WWOX: variants seen among roughly 807,000 people sequenced by gnomAD.
The protein encoded by WWOX is WW domain-containing oxidoreductase.
In WWOX, 69 loss-of-function variants were observed where a neutral mutation model predicts 46.2. That is an observed-to-expected ratio of 1.49 (90% CI 1.23 to 1.82). The LOEUF (loss-of-function observed/expected upper bound fraction) is 1.82. Among genes scored for constraint, WWOX ranks in the 40% most tolerant of loss-of-function variants. The probability of loss-of-function intolerance (pLI) is 0.00; values close to 1 mark genes in which losing one functional copy is unlikely to be tolerated. For missense variants in WWOX, 919 were observed against 542.6 expected (o/e 1.69, Z -6.89); for synonymous variants, 359 against 202.6 (o/e 1.77, Z -6.56).
chr16:78,398,630 T>A (rs1285899228), intron 6 of WWOX, among the ~76,000 whole-genome samples: 1 of 152,190 alleles, frequency 6.6e-6, no homozygotes, highest in African/African-American at 2.4e-5. Context: ...TTTACTTCAT[T>A]AAACTGAGCT....
intron 5 of WWOX, among the ~76,000 whole-genome samples, chr16:78,311,035 C>T (rs527274146): frequency 6.6e-6 from 1 of 152,170 alleles, no homozygotes; most frequent in Non-Finnish European, 1.5e-5. Context: ...CACTGAAAGT[C>T]TGACTTAATT....
At chr16:78,757,544 A>C (rs2049685340) in intron 8 of WWOX, among the ~76,000 whole-genome samples, 1 of 152,124 alleles carries the variant, frequency 6.6e-6, no homozygotes, top group Admixed American at 6.5e-5. Flanking sequence ...TTCACCATTT[A>C]ACCCAGTTAA....
At chr16:79,156,253 C>G (rs952690555) in intron 8 of WWOX, among the ~76,000 whole-genome samples, 1 of 152,202 alleles carries the variant, frequency 6.6e-6, no homozygotes, top group Non-Finnish European at 1.5e-5. Flanking sequence ...CCTTTGCATC[C>G]TGGGCTCAAG....
intron 5 of WWOX, among the ~76,000 whole-genome samples, chr16:78,226,482 TTCCCTCCCTCCC>T (rs56126537): frequency 7.5e-6 from 1 of 134,128 alleles, no homozygotes; most frequent in Non-Finnish European, 1.5e-5. Context: ...CTGTCCTGTC[TTCCCTCCCTCCC>T]TCCCTCCCTC....
chr16:78,329,213 C>A (rs62034383), intron 5 of WWOX, among the ~76,000 whole-genome samples: 7,883 of 152,122 alleles, frequency 0.052, 253 homozygotes, highest in East Asian at 0.098. Flanking sequence ...AATTGCAACC[C>A]CATGGTATCG....
intron 5 of WWOX, among the ~76,000 whole-genome samples, chr16:78,323,753 C>T (rs1019605170): frequency 6.6e-6 from 1 of 152,188 alleles, no homozygotes; most frequent in African/African-American, 2.4e-5. Context: ...AATAAGATTG[C>T]ATGTTCCTGG....
intron 8 of WWOX, among the ~76,000 whole-genome samples, chr16:78,563,514 C>G (rs1388468496): frequency 1.9e-5 from 2 of 106,636 alleles, no homozygotes; most frequent in South Asian, 5.0e-4. Context: ...CACACACACA[C>G]ACGCTTTTTT....
chr16:78,465,313 C>T (rs1040591826), intron 8 of WWOX, among the ~76,000 whole-genome samples: 28 of 152,230 alleles, frequency 1.8e-4, no homozygotes, highest in African/African-American at 6.3e-4. Flanking sequence ...TTTACCATTT[C>T]TGAATGTGGC....
intron 8 of WWOX, among the ~76,000 whole-genome samples, chr16:78,606,969 G>C (rs894953263): frequency 6.6e-6 from 1 of 151,964 alleles, no homozygotes; most frequent in Non-Finnish European, 1.5e-5. Flanking sequence ...TTTTGTGCAG[G>C]ACTAATGGGC....
At chr16:78,145,711 T>C (rs3850109) in intron 4 of WWOX, among the ~76,000 whole-genome samples, 25,867 of 152,168 alleles carry the variant, frequency 0.17, 2,277 homozygotes, top group East Asian at 0.22. Flanking sequence ...ACCATCTCAG[T>C]AGGCTTCTTC....
intron 8 of WWOX, among the ~76,000 whole-genome samples, chr16:78,816,295 C>G (rs2051328312): frequency 6.6e-6 from 1 of 152,138 alleles, no homozygotes; most frequent in Non-Finnish European, 1.5e-5. Context: ...AGAAGTAAAA[C>G]TCTGTGAATG....
At chr16:78,392,735 A>C (rs1002033154) in intron 6 of WWOX, among the ~76,000 whole-genome samples, 2 of 152,176 alleles carry the variant, frequency 1.3e-5, no homozygotes, top group Non-Finnish European at 2.9e-5. Flanking sequence ...ATGTTTTCGT[A>C]AGAATACTTC....
At chr16:79,069,113 G>T (rs562022646) in intron 8 of WWOX, among the ~76,000 whole-genome samples, 122 of 152,272 alleles carry the variant, frequency 8.0e-4, no homozygotes, top group Middle Eastern at 6.8e-3. Flanking sequence ...AACTCCCCAC[G>T]TGTGACATCT....
chr16:78,603,352 A>C (rs1176131188), intron 8 of WWOX, among the ~76,000 whole-genome samples: 1 of 152,206 alleles, frequency 6.6e-6, no homozygotes, highest in Non-Finnish European at 1.5e-5. Context: ...TCTGAGTATC[A>C]GGGATGAACG....
chr16:78,487,654 G>T (rs2084672549), intron 8 of WWOX, among the ~76,000 whole-genome samples: 1 of 152,096 alleles, frequency 6.6e-6, no homozygotes, highest in Admixed American at 6.5e-5. Flanking sequence ...TAACATCCCT[G>T]ACCTCTAGCC....
chr16:79,070,144 C>G (rs1256358563), intron 8 of WWOX, among the ~76,000 whole-genome samples: 1 of 152,110 alleles, frequency 6.6e-6, no homozygotes, highest in Non-Finnish European at 1.5e-5. Flanking sequence ...AAGCTATTTC[C>G]CTAATACCAA....
chr16:78,215,778 C>T (rs993242007), intron 5 of WWOX, among the ~76,000 whole-genome samples: 2 of 152,018 alleles, frequency 1.3e-5, no homozygotes, highest in African/African-American at 2.4e-5. Context: ...AAATACAAAA[C>T]AGCCGGGTAT....
At chr16:78,888,904 A>G (rs369953302) in intron 8 of WWOX, among the ~76,000 whole-genome samples, 88 of 151,994 alleles carry the variant, frequency 5.8e-4, no homozygotes, top group Non-Finnish European at 1.2e-3. Context: ...TCCATTCCTC[A>G]CAGTGGCAAT....
chr16:78,201,022 G>A (rs918041650), intron 5 of WWOX, among the ~76,000 whole-genome samples: 1 of 152,178 alleles, frequency 6.6e-6, no homozygotes, highest in Non-Finnish European at 1.5e-5. Context: ...GCAGTTATAA[G>A]GAACATAGAG....
Sources: gnomAD v4.1 joint callset for allele counts (sites outside exome capture counted in the v4.1 genomes callset) on GRCh38, gnomAD v4.1.1 for gene constraint, MANE v1.5 for transcripts, NCBI Gene and HGNC (gene_info 2026-07-23, HGNC 2026-07-21) for gene names.